Variants in RBM19 observed in about 807,000 individuals in gnomAD.
The protein encoded by RBM19 is probable RNA-binding protein 19.
RBM19 carries 94 observed loss-of-function variants against 116.8 expected under a neutral mutation model. The observed-to-expected ratio is 0.80, with a 90% CI of 0.68 to 0.95. The LOEUF (loss-of-function observed/expected upper bound fraction) is 0.95, where lower values mean the gene tolerates loss of function less well. Ranked by LOEUF, RBM19 falls within the 40% of genes least tolerant of loss-of-function variation. The probability of loss-of-function intolerance (pLI) is 0.00; values close to 1 mark genes in which losing one functional copy is unlikely to be tolerated. For missense variants in RBM19, 1,161 were observed against 1,220.7 expected (o/e 0.95, Z 0.73); for synonymous variants, 475 against 494.1 (o/e 0.96, Z 0.51).
intron 21 of RBM19, among the ~76,000 whole-genome samples, chr12:113,881,512 A>G (rs1190104095): frequency 6.6e-6 from 1 of 152,150 alleles, no homozygotes. Flanking sequence ...GGACATCTAC[A>G]CCAAACGTTG....
chr12:113,822,987 G>A lies in RBM19; in HGVS notation c.*237C>T, dbSNP rs377684248. On this transcript the variant is annotated 3_prime_UTR_variant, in exon 24 of 24. Transcript: ENST00000261741. The stretch of plus-strand genomic sequence containing the variant: ...CTCTTCCGTGTCTGCTACAGAGCAG[G>A]TGCGCAGTCAGTGTCTGCTAGAACG... 12 of 530,974 alleles carry A rather than the reference G, an allele frequency of 2.3e-5. No individual in the cohort carries two copies. Among genetic ancestry groups the A allele is most frequent in the Admixed American group, 6.5e-5 (2 of 30,862 alleles). The allele number at this position is 530,974 out of a possible 1,614,324, so 32.9% of individuals were successfully genotyped here.
intron 6 of RBM19, among the ~76,000 whole-genome samples, chr12:113,955,762 G>A (rs1871881856): frequency 6.6e-6 from 1 of 152,234 alleles, no homozygotes; most frequent in Non-Finnish European, 1.5e-5. Flanking sequence ...CTGAGTGGAT[G>A]TGAGCCCATA....
intron 20 of RBM19, among the ~76,000 whole-genome samples, chr12:113,917,051 A>G (rs1293017617): frequency 1.3e-5 from 2 of 152,256 alleles, no homozygotes; most frequent in Non-Finnish European, 2.9e-5. Flanking sequence ...GAACATTTCC[A>G]TTGCTGCAGA....
chr12:113,927,294 A>G (rs1215721909), intron 16 of RBM19, 65 bp from the exon 17 acceptor site: 11 of 1,502,782 alleles, frequency 7.3e-6, no homozygotes, highest in Admixed American at 2.2e-5. Context: ...TGTCAAACCC[A>G]CCAGAGCCCT....
At position 113,940,105 on chromosome 12, in the gene RBM19, G is replaced by T. The variant is rs764266613; in HGVS notation, c.1793C>A (p.Thr598Asn). The change falls in exon 15 of 24, where the codon ACC becomes AAC. Residue 598 changes from threonine to asparagine, a missense_variant. Transcript: ENST00000261741. ...GGTCTCCTGCAGCTGGGCCGCCAGG[G>T]TGCCTGCCGGGAGGTTCTTGACCAG... ...VILVKNLPAGTLAAQLQETFG... is the reference protein window; with the variant it reads ...VILVKNLPAGNLAAQLQETFG... 1.2e-6 allele frequency: 2 copies of T among 1,614,156 alleles called. No homozygotes were observed. The highest frequency in any genetic ancestry group is 2.2e-5 in the South Asian group (2 of 91,076).
At chr12:113,955,631 T>A (rs1425798211) in intron 6 of RBM19, among the ~76,000 whole-genome samples, 3 of 152,218 alleles carry the variant, frequency 2.0e-5, no homozygotes, top group African/African-American at 7.2e-5. Context: ...GATTATGGGT[T>A]CAGGATCCTT....
intron 22 of RBM19, among the ~76,000 whole-genome samples, chr12:113,854,508 G>A (rs979230530): frequency 1.3e-5 from 2 of 152,026 alleles, no homozygotes; most frequent in African/African-American, 4.8e-5. Flanking sequence ...CTCCACATGT[G>A]GGGAAGGCTC....
chr12:113,934,249 A>G (rs1869861427), intron 16 of RBM19, among the ~76,000 whole-genome samples: 1 of 152,234 alleles, frequency 6.6e-6, no homozygotes, highest in African/African-American at 2.4e-5. Flanking sequence ...AGTCACCAAC[A>G]GCAGCGGAAG....
intron 8 of RBM19, among the ~76,000 whole-genome samples, chr12:113,950,690 C>T (rs73401049): frequency 0.16 from 24,950 of 152,132 alleles, 2,794 homozygotes; most frequent in African/African-American, 0.32. Flanking sequence ...GGACCATTCC[C>T]CTGCTTTTCT....
intron 14 of RBM19, among the ~76,000 whole-genome samples, chr12:113,941,423 A>C (rs940237058): frequency 6.6e-6 from 1 of 152,242 alleles, no homozygotes; most frequent in East Asian, 1.9e-4. Context: ...GTGGAAGCAC[A>C]GTAGAGCTGC....
intron 5 of RBM19, 109 bp from the exon 6 acceptor site, chr12:113,958,159 A>C: frequency 6.6e-7 from 1 of 1,505,484 alleles, no homozygotes; most frequent in Non-Finnish European, 8.8e-7. Context: ...CACCATGCCC[A>C]CCGTGTCCAT....
At chr12:113,957,693 T>C in intron 6 of RBM19, 89 bp downstream of exon 6, 1 of 1,476,100 alleles carries the variant, frequency 6.8e-7, no homozygotes, top group Non-Finnish European at 9.0e-7. Context: ...TTCCCCAACA[T>C]TCCGCTCTCC....
At chr12:113,864,341 C>T (rs1188477813) in intron 21 of RBM19, among the ~76,000 whole-genome samples, 1 of 152,158 alleles carries the variant, frequency 6.6e-6, no homozygotes, top group Non-Finnish European at 1.5e-5. Flanking sequence ...GGGAAGCAGC[C>T]AGTGAGCTCC....
rs1246247853 is a variant in RBM19 at position 113,903,109 on chromosome 12, G to A, written c.2558+11860C>T. Among the ~76,000 whole-genome samples the A allele has an allele frequency of 1.3e-5, 2 of 152,038 alleles. No homozygotes were observed. Among genetic ancestry groups the A allele is most frequent in the East Asian group, 1.9e-4 (1 of 5,192 alleles). ...CTGTGAATCTACTTTCAGTCTCTAC[G>A]GATGTGCCTAGTCATCCCTCGGTAT... On this transcript the variant is annotated intron_variant, in intron 21 of 23. Coordinates refer to ENST00000261741, the MANE Select transcript of RBM19 (RefSeq NM_016196.4). This position sits in a 1 kb window ranked among gnomAD's most constrained non-coding sequence, Gnocchi z 5.1.
chr12:113,896,332 C>G (rs1214403859), intron 21 of RBM19, among the ~76,000 whole-genome samples: 1 of 152,172 alleles, frequency 6.6e-6, no homozygotes, highest in East Asian at 1.9e-4. Context: ...TGCAGCGGCC[C>G]CATCACGTGA....
intron 7 of RBM19, among the ~76,000 whole-genome samples, chr12:113,954,678 C>A (rs1871757836): frequency 6.6e-6 from 1 of 152,226 alleles, no homozygotes; most frequent in Admixed American, 6.5e-5. Flanking sequence ...CTGTTACAGA[C>A]CCAAAGGCAG....
intron 23 of RBM19, among the ~76,000 whole-genome samples, chr12:113,839,135 G>A (rs61930705): frequency 0.013 from 1,960 of 152,356 alleles, 19 homozygotes; most frequent in Non-Finnish European, 0.02. Flanking sequence ...AGAGCCAGGG[G>A]AGGGAACTGG....
Position 113,915,922 on chromosome 12 carries a change from CCT to C in RBM19, c.2442-839_2442-838del, listed in dbSNP as rs372407914. ...CCACGTCACCTCCTCACAGGCCTTC[CCT>C]GTCTCCATTAAAATGGCAGCCCCCT... On this transcript the variant is annotated intron_variant, in intron 20 of 23. Transcript: ENST00000261741. 1.3e-3 allele frequency among the ~76,000 whole-genome samples: 193 copies of C among 152,318 alleles called. 1 individual carries two copies. Among genetic ancestry groups the C allele is most frequent in the African/African-American group, 4.1e-3 (170 of 41,578 alleles).
Position 113,940,095 on chromosome 12 carries a change from G to T in RBM19, c.1803C>A (p.Ala601=). ...AATGGCCGAAGGTCTCCTGCAGCTG[G>T]GCCGCCAGGGTGCCTGCCGGGAGGT... ...VKNLPAGTLA[A]QLQETFGHFG... The change falls in exon 15 of 24, where the codon GCC becomes GCA. Residue 601 remains alanine, a synonymous_variant. Coordinates refer to ENST00000261741, the MANE Select transcript of RBM19 (RefSeq NM_016196.4). 2 of 1,614,100 alleles carry T rather than the reference G, an allele frequency of 1.2e-6. No individual in the cohort carries two copies. Among genetic ancestry groups the T allele is most frequent in the Non-Finnish European group, 1.7e-6 (2 of 1,179,982 alleles).
Sources: allele counts gnomAD v4.1 joint callset (sites outside exome capture counted in the v4.1 genomes callset), GRCh38; gene constraint gnomAD v4.1.1; non-coding constraint Gnocchi (gnomAD v3.1); transcripts MANE v1.5; gene names NCBI Gene and HGNC (gene_info 2026-07-23, HGNC 2026-07-21).